The following PIGU variants were observed in gnomAD, a reference collection of about 807,000 sequenced individuals.
PIGU encodes the protein phosphatidylinositol glycan anchor biosynthesis class U.
Under a neutral mutation model 49.9 loss-of-function variants are expected in PIGU, and 24 were observed. The observed-to-expected ratio is 0.48, with a 90% confidence interval of 0.35 to 0.68. PIGU has a LOEUF of 0.68. Ranked by LOEUF, PIGU falls within the 30% of genes least tolerant of loss-of-function variation. The pLI, the probability that PIGU is intolerant of heterozygous loss-of-function variation, is 0.01. For synonymous variants in PIGU, 220 were observed against 205.7 expected (o/e 1.07, Z -0.59); for missense variants, 490 against 532.6 (o/e 0.92, Z 0.79).
chr20:34,578,159 A>C (rs1983315367), intron 10 of PIGU, among the ~76,000 whole-genome samples: 1 of 152,236 alleles, frequency 6.6e-6, no homozygotes, highest in Admixed American at 6.5e-5. Context: ...TAGTGGTCTA[A>C]GAAATCCCAC....
chr20:34,675,582 C>T (rs1304777717), intron 1 of PIGU, among the ~76,000 whole-genome samples: 2 of 152,134 alleles, frequency 1.3e-5, no homozygotes, highest in East Asian at 1.9e-4. Context: ...AAAATAACAC[C>T]ATCTATCACA....
In PIGU at chr20:34,646,038, G is replaced by A. The variant is rs76778277; in HGVS notation, c.196-704C>T. Among the ~76,000 whole-genome samples the A allele has an allele frequency of 3.6e-4, 55 of 152,252 alleles. No individual in the cohort carries two copies. In the East Asian group the frequency reaches 0.01, roughly 28 times the overall value. ...GCTGATTCCATTTCACTCACAAAAT[G>A]AGCTTCTTCTGTTCTCTGATAAGTT... is the stretch of plus-strand genomic sequence containing the variant. On this transcript the variant is annotated intron_variant, in intron 2 of 11. Coordinates refer to ENST00000217446, the MANE Select transcript of PIGU (RefSeq NM_080476.5).
intron 8 of PIGU, among the ~76,000 whole-genome samples, chr20:34,587,133 CG>C (rs1983729401): frequency 6.6e-6 from 1 of 152,146 alleles, no homozygotes; most frequent in Admixed American, 6.6e-5. Flanking sequence ...ACCTGGAAAC[CG>C]GAGAAATGCA....
At chr20:34,611,135 T>C (rs1010727982) in intron 7 of PIGU, among the ~76,000 whole-genome samples, 4 of 152,178 alleles carry the variant, frequency 2.6e-5, no homozygotes, top group Non-Finnish European at 5.9e-5. Flanking sequence ...ATTCAGGACA[T>C]AGGCATGGGC....
intron 7 of PIGU, among the ~76,000 whole-genome samples, chr20:34,613,974 T>G (rs1435365515): frequency 3.3e-5 from 5 of 152,160 alleles, no homozygotes; most frequent in African/African-American, 1.2e-4. Context: ...TTGGGTCCAG[T>G]GATTTAGCTA....
chr20:34,643,924 T>G (rs1339702766), intron 4 of PIGU: 1 of 327,294 alleles, frequency 3.1e-6, no homozygotes, highest in African/African-American at 2.1e-5. Flanking sequence ...CACAGGTATG[T>G]GGATATTAAT....
intron 9 of PIGU, among the ~76,000 whole-genome samples, chr20:34,584,891 T>C (rs950008688): frequency 6.6e-6 from 1 of 152,352 alleles, no homozygotes; most frequent in Non-Finnish European, 1.5e-5. Context: ...TTTCACCATA[T>C]TGGTCAGGCT....
intron 7 of PIGU, among the ~76,000 whole-genome samples, chr20:34,590,592 A>G (rs1983919779): frequency 6.8e-6 from 1 of 146,792 alleles, no homozygotes; most frequent in East Asian, 1.9e-4. Context: ...ATAACATAAC[A>G]TAACATAACA....
At chr20:34,618,179 C>T (rs1025108292) in intron 6 of PIGU, among the ~76,000 whole-genome samples, 2 of 152,184 alleles carry the variant, frequency 1.3e-5, no homozygotes, top group Non-Finnish European at 2.9e-5. Context: ...GAATTATGAA[C>T]AATTTTTCAT....
intron 6 of PIGU, among the ~76,000 whole-genome samples, chr20:34,621,684 T>C (rs923802980): frequency 6.6e-6 from 1 of 152,106 alleles, no homozygotes; most frequent in Non-Finnish European, 1.5e-5. Flanking sequence ...GGAGGAATGA[T>C]ATGTGCTTGG....
intron 8 of PIGU, among the ~76,000 whole-genome samples, chr20:34,586,637 G>A (rs1478385959): frequency 2.0e-5 from 3 of 151,634 alleles, no homozygotes; most frequent in East Asian, 2.0e-4. Flanking sequence ...GGGAGCAACC[G>A]AGTCTTCGGC....
intron 1 of PIGU, among the ~76,000 whole-genome samples, chr20:34,658,783 G>T (rs1986804283): frequency 6.6e-6 from 1 of 151,640 alleles, no homozygotes; most frequent in African/African-American, 2.4e-5. Flanking sequence ...GAAGTGAGGA[G>T]CCCCTCCGCC....
intron 6 of PIGU, among the ~76,000 whole-genome samples, chr20:34,625,868 C>T (rs1985467087): frequency 6.6e-6 from 1 of 150,694 alleles, no homozygotes; most frequent in South Asian, 2.1e-4. Context: ...TATGACTGTG[C>T]CACTGCACTT....
At chr20:34,565,755 TCA>T (rs370274977) in intron 11 of PIGU, among the ~76,000 whole-genome samples, 309 of 145,014 alleles carry the variant, frequency 2.1e-3, no homozygotes, top group African/African-American at 7.3e-3. Context: ...ACACGCACAC[TCA>T]CACTGCTCAC....
intron 11 of PIGU, among the ~76,000 whole-genome samples, chr20:34,563,624 T>A (rs969088724): frequency 7.2e-6 from 1 of 139,614 alleles, no homozygotes; most frequent in South Asian, 2.4e-4. Flanking sequence ...AATACATCAA[T>A]GGGGGGGGGG....
At chr20:34,669,102 G>T (rs748886164) in intron 1 of PIGU, among the ~76,000 whole-genome samples, 1 of 151,788 alleles carries the variant, frequency 6.6e-6, no homozygotes, top group Admixed American at 6.6e-5. Context: ...GCCCAGACTG[G>T]TCATAAATTC....
rs746508842 is a variant in PIGU, at chr20:34,616,087, C to G, written c.582G>C (p.Leu194=). Residue 194 remains leucine, a synonymous_variant, in exon 7 of 12, where the codon CTG becomes CTC. Coordinates refer to ENST00000217446, the MANE Select transcript of PIGU (RefSeq NM_080476.5). ...IFLALATYQS[L]YPLTLFVPGL... Reference sequence around the variant, plus strand: ...CTGGGACAAACAAGGTGAGTGGGTACAGAGACTGGTATGTCGCTAAGGCAA... The same window carrying G: ...CTGGGACAAACAAGGTGAGTGGGTAGAGAGACTGGTATGTCGCTAAGGCAA... 2 of 1,613,190 alleles carry G rather than the reference C, an allele frequency of 1.2e-6. No homozygotes were observed. Among genetic ancestry groups the G allele is most frequent in the Non-Finnish European group, 1.7e-6 (2 of 1,179,638 alleles).
chr20:34,625,377 A>C (rs1049993984), intron 6 of PIGU, among the ~76,000 whole-genome samples: 7 of 151,732 alleles, frequency 4.6e-5, no homozygotes, highest in African/African-American at 1.2e-4. Context: ...TCAAAAAAAA[A>C]AAAAACAAAA....
At chr20:34,669,046 GCTAA>G (rs1346066621) in intron 1 of PIGU, among the ~76,000 whole-genome samples, 1 of 151,688 alleles carries the variant, frequency 6.6e-6, no homozygotes, top group Non-Finnish European at 1.5e-5. Flanking sequence ...CACCAAACCA[GCTAA>G]CTCTTTTTTA....
Sources: allele counts gnomAD v4.1 joint callset (sites outside exome capture counted in the v4.1 genomes callset), GRCh38; gene constraint gnomAD v4.1.1; transcripts MANE v1.5; gene names NCBI Gene and HGNC (gene_info 2026-07-23, HGNC 2026-07-21).